SLC9A2: variants seen among roughly 807,000 people sequenced by gnomAD.
The protein encoded by SLC9A2 is sodium/hydrogen exchanger 2.
A neutral mutation model predicts 71.7 loss-of-function variants in SLC9A2; 42 were observed. The observed-to-expected ratio is 0.59, with a 90% confidence interval of 0.46 to 0.76. The LOEUF (loss-of-function observed/expected upper bound fraction) is 0.76, where lower values mean the gene tolerates loss of function less well. Among genes scored for constraint, SLC9A2 ranks in the 30% least tolerant of loss-of-function variants. SLC9A2 has a pLI of 0.00. For missense variants in SLC9A2, 829 were observed against 1,017.4 expected, an observed-to-expected ratio of 0.81 and a Z score of 2.52; for synonymous variants, 396 against 392.5, an observed-to-expected ratio of 1.01 and a Z score of -0.10.
chr2:102,632,138 GTATATATACA>G (rs1182300450), intron 1 of SLC9A2, among the ~76,000 whole-genome samples: 1 of 97,448 alleles, frequency 1.0e-5, no homozygotes, highest in Non-Finnish European at 1.9e-5. Flanking sequence ...ACATATATAT[GTATATATACA>G]TATATACACA....
chr2:102,647,239 C>T (rs1676745571), intron 1 of SLC9A2, among the ~76,000 whole-genome samples: 1 of 152,030 alleles, frequency 6.6e-6, no homozygotes, highest in African/African-American at 2.4e-5. Flanking sequence ...ACAACTTGCT[C>T]CCGGATGACT....
intron 1 of SLC9A2, among the ~76,000 whole-genome samples, chr2:102,655,718 C>T (rs1379497467): frequency 2.0e-5 from 3 of 152,162 alleles, no homozygotes; most frequent in African/African-American, 7.2e-5. Context: ...AAATTTCTGT[C>T]CTACTCTGTT....
At chr2:102,620,611 C>T (rs1676116224) in intron 1 of SLC9A2, among the ~76,000 whole-genome samples, 1 of 152,330 alleles carries the variant, frequency 6.6e-6, no homozygotes, top group South Asian at 2.1e-4. Context: ...GGAAGGGGAC[C>T]AGGGACACCT....
At chr2:102,697,818 C>T (rs917006660) in intron 7 of SLC9A2, among the ~76,000 whole-genome samples, 7 of 151,502 alleles carry the variant, frequency 4.6e-5, no homozygotes, top group Non-Finnish European at 1.0e-4. Flanking sequence ...GGGTGTCTTC[C>T]CTTTTCTCTG....
intron 1 of SLC9A2, among the ~76,000 whole-genome samples, chr2:102,654,432 G>C (rs746752957): frequency 6.6e-6 from 1 of 152,092 alleles, no homozygotes; most frequent in Non-Finnish European, 1.5e-5. Context: ...GGAGCCTTTT[G>C]TAGTATAAAT....
In SLC9A2 at chr2:102,684,175, A is replaced by T; in HGVS notation, c.1264A>T (p.Ile422Phe). The T allele has an allele frequency of 6.2e-7, 1 of 1,614,166 alleles. No individual in the cohort carries two copies. Among genetic ancestry groups the T allele is most frequent in the Non-Finnish European group, 8.5e-7 (1 of 1,180,010 alleles). ...LTQVINRFRT[I>F]PLTFKDQFII... ...TCAGGTCATTAATAGGTTCCGGACC[A>T]TTCCCCTGACCTTTAAGGACCAGTT... The change falls in exon 5 of 12, where the codon ATT becomes TTT. Residue 422 changes from isoleucine to phenylalanine, a missense_variant. By Grantham distance (21) the Ile-to-Phe change is conservative. Transcript: ENST00000233969.
At position 102,683,483 on chromosome 2, in the gene SLC9A2, T is replaced by C. The variant is rs1227742897; in HGVS notation, c.1222+5T>C. The C allele has an allele frequency of 6.2e-7, 1 of 1,611,648 alleles. No homozygotes were observed. Among genetic ancestry groups the C allele is most frequent in the Non-Finnish European group, 8.5e-7 (1 of 1,177,752 alleles). ...GCCTCATGTGGCGAGCCCTGGGTAA[T>C]GAGTGCTTGTTTGCTAACTGGACAT... On this transcript the variant is annotated splice_donor_5th_base_variant and intron_variant, in intron 4 of 11. Transcript: ENST00000233969.
rs752429075 is a variant in SLC9A2 at position 102,619,918 on chromosome 2, C to A, written c.70C>A (p.Gln24Lys). Residue 24 changes from glutamine to lysine, a missense_variant, in exon 1 of 12, where the codon CAG becomes AAG. Physicochemically the swap from Gln to Lys is moderately conservative, Grantham distance 53. Around this residue, in one of 3 missense-constraint regions of SLC9A2, gnomAD observed 106 missense variants for 93.5 expected, o/e 1.13. Transcript: ENST00000233969. This position sits in a 1 kb window ranked among gnomAD's most constrained non-coding sequence, Gnocchi z 4.3. ...TCCGATGCTGTTGCTGCTGCTCCTG[C>A]AGGTGGCGGGGCCCGTGGGCGCCCT... is the stretch of plus-strand genomic sequence containing the variant. Reference protein sequence around the residue: ...LPPMLLLLLLQVAGPVGALAE... With the variant: ...LPPMLLLLLLKVAGPVGALAE... The A allele has an allele frequency of 1.2e-6, 2 of 1,601,912 alleles. No individual in the cohort carries two copies. The highest frequency in any genetic ancestry group is 2.2e-5 in the South Asian group (2 of 89,724).
intron 2 of SLC9A2, among the ~76,000 whole-genome samples, chr2:102,660,485 CT>C (rs1449028733): frequency 1.6e-4 from 24 of 152,230 alleles, no homozygotes; most frequent in African/African-American, 5.8e-4. Context: ...AGACGTTTCT[CT>C]CGCTGAATTG....
In SLC9A2 at chr2:102,665,281, T is replaced by C. The variant is rs1201999552; in HGVS notation, c.935T>C (p.Leu312Pro). 1 of 1,614,040 alleles carries C rather than the reference T, an allele frequency of 6.2e-7. No individual in the cohort carries two copies. Among genetic ancestry groups the C allele is most frequent in the East Asian group, 2.2e-5 (1 of 44,884 alleles). Residue 312 changes from leucine (L) to proline (P), a missense_variant, in exon 3 of 12, where the codon CTG becomes CCG. Physicochemically the swap from Leu to Pro is moderately conservative, Grantham distance 98 (BLOSUM62 -3). Coordinates refer to ENST00000233969, the MANE Select transcript of SLC9A2 (RefSeq NM_003048.6). ...FTHNIRVIEP[L>P]FVFLYSYLSY... ...CATAATATCCGAGTGATCGAGCCACTGTTTGTTTTCCTGTACAGTTATTTG... is the reference window on the plus strand; with the variant it reads ...CATAATATCCGAGTGATCGAGCCACCGTTTGTTTTCCTGTACAGTTATTTG...
chr2:102,705,890 G>C lies in SLC9A2; in HGVS notation c.2022G>C (p.Thr674=), dbSNP rs769175808. The part of the protein sequence containing the change: ...TSRYLSLPKN[T]KLPEKLQKRR... ...GATATTTATCCTTACCTAAAAATAC[G>C]AAGCTTCCAGAAAAGCTACAAAAGA... Residue 674 remains threonine, a synonymous_variant, in exon 11 of 12, where the codon ACG becomes ACC. Transcript: ENST00000233969. 6 of 1,603,948 alleles carry C rather than the reference G, an allele frequency of 3.7e-6. No homozygotes were observed. The African/African-American group carries it at 5.4e-5, about 14-fold the overall frequency.
intron 11 of SLC9A2, among the ~76,000 whole-genome samples, chr2:102,707,097 G>A (rs1677993876): frequency 6.6e-6 from 1 of 152,156 alleles, no homozygotes; most frequent in African/African-American, 2.4e-5. Flanking sequence ...TTTCAAAAGA[G>A]GGGAGATAGG....
intron 7 of SLC9A2, among the ~76,000 whole-genome samples, chr2:102,698,788 T>C (rs1677814932): frequency 6.6e-6 from 1 of 152,222 alleles, no homozygotes; most frequent in Non-Finnish European, 1.5e-5. Flanking sequence ...TCATTGTGTC[T>C]GCTAATAGCC....
intron 1 of SLC9A2, among the ~76,000 whole-genome samples, chr2:102,621,708 C>T (rs1010763586): frequency 1.2e-4 from 19 of 152,296 alleles, no homozygotes; most frequent in Non-Finnish European, 2.2e-4. Flanking sequence ...GACGTGTACA[C>T]GCTGTGTGAT....
intron 1 of SLC9A2, among the ~76,000 whole-genome samples, chr2:102,626,488 A>T (rs56691854): frequency 0.011 from 1,633 of 152,302 alleles, 24 homozygotes; most frequent in African/African-American, 0.037. Context: ...AACCTAGGCA[A>T]TACCATTCAG....
chr2:102,654,369 A>G (rs1418587677), intron 1 of SLC9A2, among the ~76,000 whole-genome samples: 1 of 152,072 alleles, frequency 6.6e-6, no homozygotes, highest in Non-Finnish European at 1.5e-5. Context: ...GCCAGAGGTC[A>G]TAGGTAAAGA....
chr2:102,642,554 T>C (rs1009674471), intron 1 of SLC9A2, among the ~76,000 whole-genome samples: 2 of 152,180 alleles, frequency 1.3e-5, no homozygotes, highest in Admixed American at 6.5e-5. Context: ...TCTTTTTATA[T>C]ATTGCTGAAT....
rs181485602 is a variant in SLC9A2 at position 102,632,116 on chromosome 2, A to G, written c.289+11979A>G. ...CACATATATATACATATATATGTAT[A>G]TATACATATATACATATATATGTAT... On this transcript the variant is annotated intron_variant, in intron 1 of 11. Transcript: ENST00000233969. Among the ~76,000 whole-genome samples the G allele has an allele frequency of 1.1e-4, 9 of 81,780 alleles. No homozygotes were observed. The South Asian group carries it at 1.3e-3, about 12-fold the overall frequency. 53.7% of individuals were successfully genotyped at this position (81,780 alleles called of 152,430 possible).
chr2:102,671,568 T>C (rs971864512), intron 3 of SLC9A2, among the ~76,000 whole-genome samples: 1 of 152,212 alleles, frequency 6.6e-6, no homozygotes, highest in African/African-American at 2.4e-5. Context: ...AATTGGAAAT[T>C]ATAAACCTTA....
Sources: gnomAD v4.1 joint callset for allele counts (sites outside exome capture counted in the v4.1 genomes callset) on GRCh38, gnomAD v4.1.1 for gene constraint, gnomAD v4.1.1 regional missense constraint, Gnocchi (gnomAD v3.1) non-coding constraint, MANE v1.5 for transcripts, NCBI Gene and HGNC (gene_info 2026-07-23, HGNC 2026-07-21) for gene names.